The following ERICH1 variants were observed in gnomAD, a reference collection of about 807,000 sequenced individuals.
ERICH1 encodes the protein glutamate rich 1, also known as glutamate-rich protein 1.
In ERICH1, 56 loss-of-function variants were observed where a neutral mutation model predicts 39.6. The observed-to-expected ratio is 1.41, with a 90% CI of 1.14 to 1.77. The LOEUF is 1.77. ERICH1 is among the 40% of genes most tolerant of loss of function. The pLI, the probability that ERICH1 is intolerant of heterozygous loss-of-function variation, is 0.00. For synonymous variants in ERICH1, 313 were observed against 223.6 expected, an observed-to-expected ratio of 1.40 and a Z score of -3.57; for missense variants, 826 against 575.4, an observed-to-expected ratio of 1.44 and a Z score of -4.45.
intron 1 of ERICH1, among the ~76,000 whole-genome samples, chr8:729,991 G>A (rs1287900392): frequency 2.6e-5 from 4 of 152,266 alleles, no homozygotes; most frequent in Middle Eastern, 6.8e-3. Flanking sequence ...CCACCAAGAA[G>A]GCAGGCACAG....
At position 664,334 on chromosome 8, in the gene ERICH1, A is replaced by T. The variant is rs1176925497; in HGVS notation, c.*269T>A. On this transcript the variant is annotated 3_prime_UTR_variant, in exon 6 of 6. Transcript: ENST00000262109. ...TTAACTTAACAGAATGTCCATTTTC[A>T]ATTTTTACAATAAGTAGAGAAACAG... 1 of 1,102,490 alleles carries T rather than the reference A, an allele frequency of 9.1e-7. No individual in the cohort carries two copies. Among genetic ancestry groups the T allele is most frequent in the Non-Finnish European group, 1.1e-6 (1 of 905,992 alleles). The allele number at this position is 1,102,490 out of a possible 1,614,324, so 68.3% of individuals were successfully genotyped here. A position where few individuals can be genotyped will look rare whatever the true frequency, so the allele number is the denominator to read the frequency against.
intron 4 of ERICH1, among the ~76,000 whole-genome samples, chr8:670,873 C>T (rs1803146565): frequency 6.6e-6 from 1 of 151,824 alleles, no homozygotes; most frequent in South Asian, 2.1e-4. Flanking sequence ...TCTGAGCCCA[C>T]CGGTCCCCAG....
intron 3 of ERICH1, among the ~76,000 whole-genome samples, chr8:634,187 C>CA (rs1798249249): frequency 9.0e-6 from 1 of 111,694 alleles, no homozygotes; most frequent in African/African-American, 3.5e-5. Context: ...AAAAAAAAAA[C>CA]AAACAAAAAA....
In ERICH1 at chr8:708,681, G is replaced by GTTTTTTTTTTGTTTTTTTT. The variant is rs1563319316; in HGVS notation, c.169+7179_169+7180insAAAAAAAACAAAAAAAAAA. On this transcript the variant is annotated intron_variant, in intron 2 of 5. Coordinates refer to ENST00000262109, the MANE Select transcript of ERICH1 (RefSeq NM_207332.3). The stretch of plus-strand genomic sequence containing the variant: ...GGGCTGAGTGGTTACGGGATAATGA[G>GTTTTTTTTTTGTTTTTTTT]TTTTTTTTTTTTTTTTTTTTTTTTT... Among the ~76,000 whole-genome samples, 17 of 65,776 alleles carry GTTTTTTTTTTGTTTTTTTT rather than the reference G, an allele frequency of 2.6e-4. 1 individual carries two copies. Among genetic ancestry groups the GTTTTTTTTTTGTTTTTTTT allele is most frequent in the East Asian group, 4.3e-4 (1 of 2,304 alleles). 43.2% of individuals were successfully genotyped at this position (65,776 alleles called of 152,430 possible).
In ERICH1 at chr8:728,075, G is replaced by A. The variant is rs192696237; in HGVS notation, c.22+3065C>T. 2.8e-3 allele frequency among the ~76,000 whole-genome samples: 428 copies of A among 152,310 alleles called. 4 individuals are homozygous for A. Among genetic ancestry groups the A allele is most frequent in the African/African-American group, 8.8e-3 (364 of 41,578 alleles). On this transcript the variant is annotated intron_variant, in intron 1 of 5. Transcript: ENST00000262109. The stretch of plus-strand genomic sequence containing the variant: ...CCATGAGGCTGTGGTCCTCACCCCA[G>A]CATCTGAGGATCGTCTCTGCCAAGC...
At chr8:702,063 C>T (rs939361033) in intron 2 of ERICH1, among the ~76,000 whole-genome samples, 7 of 111,914 alleles carry the variant, frequency 6.3e-5, no homozygotes, top group Admixed American at 1.3e-4. Context: ...GGTGACAGAG[C>T]GGGACTACAT....
intron 1 of ERICH1, among the ~76,000 whole-genome samples, chr8:724,491 C>T (rs1046207967): frequency 3.3e-5 from 5 of 152,082 alleles, no homozygotes; most frequent in Admixed American, 3.3e-4. Flanking sequence ...TGCGAGCAGC[C>T]CAGGGGCTTC....
intron 3 of ERICH1, among the ~76,000 whole-genome samples, chr8:617,101 T>G (rs933878369): frequency 6.6e-6 from 1 of 152,100 alleles, no homozygotes; most frequent in Non-Finnish European, 1.5e-5. Flanking sequence ...TGTATGACAG[T>G]GCATATTATT....
chr8:655,842 C>T (rs553099951), intron 3 of ERICH1, among the ~76,000 whole-genome samples: 13 of 152,272 alleles, frequency 8.5e-5, no homozygotes, highest in Admixed American at 2.6e-4. Context: ...CTCACGACCA[C>T]GTTTTTCATG....
At chr8:713,632 A>C (rs182684274) in intron 2 of ERICH1, among the ~76,000 whole-genome samples, 361 of 152,246 alleles carry the variant, frequency 2.4e-3, no homozygotes, top group Middle Eastern at 3.4e-3. Flanking sequence ...TGGAATCACC[A>C]CACAGAATAT....
intron 1 of ERICH1, 104 bp from the exon 2 acceptor site, chr8:716,111 A>C: frequency 7.2e-7 from 1 of 1,390,636 alleles, no homozygotes. Flanking sequence ...CACATCCTGA[A>C]AGCACCAACG....
intron 2 of ERICH1, among the ~76,000 whole-genome samples, chr8:707,157 G>A (rs1376632108): frequency 6.6e-6 from 1 of 150,840 alleles, no homozygotes; most frequent in African/African-American, 2.4e-5. Context: ...GAATAGAATT[G>A]AGAGTCCAGA....
rs1295066450 is a variant in ERICH1 at position 715,936 on chromosome 8, T to A, written c.94A>T (p.Thr32Ser). ...PSGQGKREPQTLAVQNPPKKV... is the reference protein window; with the variant it reads ...PSGQGKREPQSLAVQNPPKKV... ...TTTGGTGGATTTTGGACGGCCAGCG[T>A]CTGGGGTTCCCTCTTTCCTTGGCCA... Residue 32 changes from threonine to serine, a missense_variant, in exon 2 of 6, where the codon ACG (threonine) becomes TCG (serine). Coordinates refer to ENST00000262109, the MANE Select transcript of ERICH1 (RefSeq NM_207332.3). The A allele has an allele frequency of 6.2e-7, 1 of 1,613,990 alleles. No individual in the cohort carries two copies. Among genetic ancestry groups the A allele is most frequent in the Non-Finnish European group, 8.5e-7 (1 of 1,179,968 alleles).
chr8:712,835 C>T (rs946838656), intron 2 of ERICH1, among the ~76,000 whole-genome samples: 1 of 152,180 alleles, frequency 6.6e-6, no homozygotes, highest in Admixed American at 6.5e-5. Context: ...TTTTTTGTTG[C>T]TTCTTTCAGA....
At chr8:636,968 T>G (rs1798487441) in intron 3 of ERICH1, among the ~76,000 whole-genome samples, 1 of 152,246 alleles carries the variant, frequency 6.6e-6, no homozygotes, top group South Asian at 2.1e-4. Context: ...GTCCACTTTC[T>G]GCAGGGTCGG....
At chr8:655,680 C>A (rs1395239189) in intron 3 of ERICH1, among the ~76,000 whole-genome samples, 1 of 145,238 alleles carries the variant, frequency 6.9e-6, no homozygotes, top group African/African-American at 2.7e-5. Flanking sequence ...TCCTTCCTTC[C>A]TTCCTTCCTT....
chr8:623,821 G>C (rs1379957891), intron 3 of ERICH1, among the ~76,000 whole-genome samples: 1 of 152,114 alleles, frequency 6.6e-6, no homozygotes, highest in African/African-American at 2.4e-5. Context: ...ACAGGTATAA[G>C]TCTTCATGAC....
At position 673,649 on chromosome 8, in the gene ERICH1, C is replaced by T. The variant is rs1182099041; in HGVS notation, c.703G>A (p.Ala235Thr). ...GTCAGGTCTTCCTCGCTAGCGTCCGCACCATCTTCCTCCCTGGTATCTTTA... is the reference window on the plus strand; with the variant it reads ...GTCAGGTCTTCCTCGCTAGCGTCCGTACCATCTTCCTCCCTGGTATCTTTA... The part of the protein sequence containing the change: ...DVKDTREEDG[A>T]DASEEDLTRA... The change falls in exon 4 of 6, where the codon GCG becomes ACG. Residue 235 changes from alanine (A) to threonine (T), a missense_variant. Coordinates refer to ENST00000262109, the MANE Select transcript of ERICH1 (RefSeq NM_207332.3). 2.5e-6 allele frequency: 4 copies of T among 1,612,906 alleles called. No individual in the cohort carries two copies. Among genetic ancestry groups the T allele is most frequent in the African/African-American group, 2.7e-5 (2 of 74,608 alleles).
intron 4 of ERICH1, among the ~76,000 whole-genome samples, chr8:670,301 C>T (rs1440157565): frequency 6.6e-6 from 1 of 151,738 alleles, no homozygotes; most frequent in Non-Finnish European, 1.5e-5. Context: ...TATCTGATAA[C>T]ATCGGCCTCT....
Sources: allele counts gnomAD v4.1 joint callset (sites outside exome capture counted in the v4.1 genomes callset), GRCh38; gene constraint gnomAD v4.1.1; transcripts MANE v1.5; gene names NCBI Gene and HGNC (gene_info 2026-07-23, HGNC 2026-07-21).